NSF: variants seen among roughly 807,000 people sequenced by gnomAD.
NSF encodes N-ethylmaleimide sensitive factor, vesicle fusing ATPase.
In NSF, 14 loss-of-function variants were observed where a neutral mutation model predicts 50.3. The ratio of observed to expected loss-of-function variants is 0.28; its 90% CI spans 0.18 to 0.44. The LOEUF is 0.44. NSF is among the 20% of genes least tolerant of loss of function. NSF has a pLI of 1.00. For synonymous variants in NSF, 109 were observed against 175.7 expected, an observed-to-expected ratio of 0.62 and a Z score of 3.00; for missense variants, 218 against 504.3, an observed-to-expected ratio of 0.43 and a Z score of 5.44.
chr17:46,737,854 A>T (rs2059024232), intron 17 of NSF, among the ~76,000 whole-genome samples: 1 of 151,976 alleles, frequency 6.6e-6, no homozygotes, highest in Admixed American at 6.6e-5. Flanking sequence ...AAGGAATTCA[A>T]GCGCTGCAGC....
intron 15 of NSF, chr17:46,721,849 T>C: frequency 6.3e-7 from 1 of 1,589,828 alleles, no homozygotes; most frequent in Non-Finnish European, 8.6e-7. Flanking sequence ...TACGGCTTTT[T>C]CGAGTTGGCT....
intron 9 of NSF, among the ~76,000 whole-genome samples, chr17:46,690,580 C>T: frequency 1.0e-5 from 1 of 99,438 alleles, no homozygotes; most frequent in Non-Finnish European, 2.0e-5. Context: ...CCACTGCACT[C>T]CAGCCTGGGC....
chr17:46,715,214 A>G (rs576368068), intron 15 of NSF, among the ~76,000 whole-genome samples: 1 of 152,368 alleles, frequency 6.6e-6, no homozygotes, highest in Admixed American at 6.5e-5. Context: ...AGATGCAAAA[A>G]GAACTTATAA....
intron 9 of NSF, among the ~76,000 whole-genome samples, chr17:46,682,436 C>CACAAGT (rs2058467624): frequency 2.0e-5 from 1 of 49,468 alleles, no homozygotes; most frequent in Non-Finnish European, 3.0e-5. Flanking sequence ...TGTATTGAGA[C>CACAAGT]ACAAGTACTT....
At chr17:46,722,680 G>A (rs7224296) in intron 15 of NSF, among the ~76,000 whole-genome samples, 89,680 of 152,028 alleles carry the variant, frequency 0.59, 29,063 homozygotes, top group South Asian at 0.8. Context: ...GGCAGAAATC[G>A]TGGATCCTGG....
chr17:46,707,457 T>G (rs182418570), intron 13 of NSF, among the ~76,000 whole-genome samples: 57 of 152,306 alleles, frequency 3.7e-4, no homozygotes, highest in African/African-American at 1.4e-3. Flanking sequence ...CATAATGTTG[T>G]ATAATCATCA....
chr17:46,747,844 C>A (rs919924386), intron 17 of NSF, among the ~76,000 whole-genome samples: 1 of 152,078 alleles, frequency 6.6e-6, no homozygotes, highest in African/African-American at 2.4e-5. Context: ...GGGAGGAAAT[C>A]TCAAGGAAAT....
At chr17:46,721,275 C>A (rs984620096) in intron 15 of NSF, among the ~76,000 whole-genome samples, 17 of 152,164 alleles carry the variant, frequency 1.1e-4, no homozygotes. Flanking sequence ...TCATTATGTG[C>A]ACAGGTGGAC....
intron 1 of NSF, among the ~76,000 whole-genome samples, chr17:46,598,615 A>G (rs1046413428): frequency 1.3e-5 from 2 of 152,116 alleles, no homozygotes; most frequent in African/African-American, 4.8e-5. Flanking sequence ...GTATGGAAAG[A>G]TGTTAGAGGT....
Position 46,704,770 on chromosome 17 carries a change from A to G in NSF, c.1386A>G (p.Lys462=). The change falls in exon 13 of 21, where the codon AAA becomes AAG. Residue 462 remains lysine, a synonymous_variant. Transcript: ENST00000398238. Reference sequence around the variant, plus strand: ...TTATCTCTTCTTAGGCCAGTACTAAAGTGGAAGTGGACATGGAGAAAGCAG... The same window carrying G: ...TTATCTCTTCTTAGGCCAGTACTAAGGTGGAAGTGGACATGGAGAAAGCAG... ...AMNRHIKAST[K]VEVDMEKAES... 1.9e-6 allele frequency: 3 copies of G among 1,605,152 alleles called. No homozygotes were observed. The highest frequency in any genetic ancestry group is 2.5e-6 in the Non-Finnish European group (3 of 1,177,814).
intron 1 of NSF, among the ~76,000 whole-genome samples, chr17:46,592,972 G>GGTAAAATTT (rs2057854791): frequency 7.5e-6 from 1 of 134,122 alleles, no homozygotes. Context: ...CCTATCCCCC[G>GGTAAAATTT]GTAAAATTTG....
At chr17:46,727,733 A>G (rs372390287) in intron 16 of NSF, among the ~76,000 whole-genome samples, 2 of 152,248 alleles carry the variant, frequency 1.3e-5, no homozygotes, top group African/African-American at 2.4e-5. Flanking sequence ...CTCTGTGTAA[A>G]TTCCTTTATC....
intron 17 of NSF, among the ~76,000 whole-genome samples, chr17:46,739,841 G>A (rs1038591703): frequency 2.6e-5 from 4 of 151,866 alleles, no homozygotes; most frequent in Admixed American, 2.0e-4. Flanking sequence ...TGGGACTACA[G>A]GCGCACACCA....
intron 4 of NSF, among the ~76,000 whole-genome samples, chr17:46,631,173 AAAC>A (rs1162461221): frequency 7.1e-6 from 1 of 140,612 alleles, no homozygotes; most frequent in Non-Finnish European, 1.5e-5. Flanking sequence ...GATGGAATTT[AAAC>A]ATTGGGGTTA....
At chr17:46,735,214 G>GCCATT (rs2058989163) in intron 17 of NSF, among the ~76,000 whole-genome samples, 1 of 152,090 alleles carries the variant, frequency 6.6e-6, no homozygotes, top group Non-Finnish European at 1.5e-5. Context: ...AGATATATAT[G>GCCATT]CCATTTTCTG....
At chr17:46,738,890 C>T (rs534485280) in intron 17 of NSF, among the ~76,000 whole-genome samples, 1 of 151,978 alleles carries the variant, frequency 6.6e-6, no homozygotes, top group South Asian at 2.1e-4. Context: ...TCACTTGAGT[C>T]CAGGACTTCT....
intron 15 of NSF, among the ~76,000 whole-genome samples, chr17:46,723,901 C>T (rs1261048948): frequency 6.6e-6 from 1 of 152,180 alleles, no homozygotes; most frequent in East Asian, 1.9e-4. Context: ...CAGTCCATTG[C>T]TTATAACCCT....
At chr17:46,708,985 C>T (rs1033634338) in intron 13 of NSF, among the ~76,000 whole-genome samples, 8 of 151,560 alleles carry the variant, frequency 5.3e-5, no homozygotes, top group African/African-American at 1.2e-4. Flanking sequence ...CCACCATGCC[C>T]GACTAATTTT....
chr17:46,635,813 G>GTGTGTGTGTGTGTGTA, intron 4 of NSF, among the ~76,000 whole-genome samples: 1 of 141,592 alleles, frequency 7.1e-6, no homozygotes, highest in African/African-American at 2.6e-5. Flanking sequence ...GTGTGTGTGT[G>GTGTGTGTGTGTGTGTA]TGTGTGCTCG....
Sources: gnomAD v4.1 joint callset for allele counts (sites outside exome capture counted in the v4.1 genomes callset) on GRCh38, gnomAD v4.1.1 for gene constraint, MANE v1.5 for transcripts, NCBI Gene and HGNC (gene_info 2026-07-23, HGNC 2026-07-21) for gene names.